C5: variants seen among roughly 807,000 people sequenced by gnomAD.
The protein encoded by C5 is C3 and PZP-like alpha-2-macroglobulin domain-containing protein 4.
C5 carries 140 observed loss-of-function variants against 218.8 expected under a neutral mutation model. The ratio of observed to expected loss-of-function variants is 0.64; its 90% confidence interval spans 0.56 to 0.74. C5 has a LOEUF of 0.74. Ranked by LOEUF, C5 falls within the 30% of genes least tolerant of loss-of-function variation. C5 has a pLI of 0.00. For synonymous variants in C5, 614 were observed against 682.3 expected (o/e 0.90, Z 1.56); for missense variants, 1,700 against 1,969.6 (o/e 0.86, Z 2.59).
intron 26 of C5, among the ~76,000 whole-genome samples, chr9:120,982,351 C>A (rs1214541278): frequency 6.6e-6 from 1 of 152,200 alleles, no homozygotes; most frequent in African/African-American, 2.4e-5. Context: ...TCTTTCCCTT[C>A]CTGCTTCCCA....
the C5 span, among the ~76,000 whole-genome samples, chr9:121,057,095 A>C: frequency 6.6e-6 from 1 of 152,216 alleles, no homozygotes; most frequent in Non-Finnish European, 1.5e-5. Flanking sequence ...GCTGAGGAAA[A>C]GAAACATCCA....
intron 16 of C5, 95 bp from the exon 17 acceptor site, chr9:121,014,165 A>G: frequency 5.7e-6 from 6 of 1,056,756 alleles, no homozygotes; most frequent in East Asian, 2.5e-5. Context: ...TTCTGTTGCT[A>G]TATGATCCCC....
chr9:121,019,816 A>G (rs949570448), intron 12 of C5, among the ~76,000 whole-genome samples, 160 bp downstream of exon 12: 1 of 152,204 alleles, frequency 6.6e-6, no homozygotes, highest in African/African-American at 2.4e-5. Context: ...ATCATGCCCT[A>G]TTTCAAAGGT....
chr9:120,982,563 TTTC>T (rs1169351349), intron 26 of C5, 89 bp downstream of exon 26: 220 of 1,052,544 alleles, frequency 2.1e-4, no homozygotes, highest in Middle Eastern at 4.4e-4. Flanking sequence ...ATTACATTTT[TTTC>T]TTCTTCTTCT....
intron 25 of C5, among the ~76,000 whole-genome samples, chr9:120,984,227 G>A (rs1458545965): frequency 2.0e-5 from 3 of 151,690 alleles, no homozygotes; most frequent in East Asian, 1.9e-4. Context: ...GATATTAATC[G>A]GAACTTGCCC....
intron 12 of C5, among the ~76,000 whole-genome samples, chr9:121,018,659 G>GAAAAGAAAGAAAGA (rs1224588845): frequency 1.8e-5 from 2 of 108,522 alleles, no homozygotes; most frequent in African/African-American, 6.9e-5. Context: ...AAGAAAGAAA[G>GAAAAGAAAGAAAGA]AAGGAAGGAA....
At chr9:121,063,109 T>C in the C5 span, among the ~76,000 whole-genome samples, 1 of 151,620 alleles carries the variant, frequency 6.6e-6, no homozygotes, top group Admixed American at 6.6e-5. Context: ...TCTTCATGCA[T>C]ATGTTGGTAT....
At chr9:121,039,093 C>A (rs1010438354) in intron 3 of C5, among the ~76,000 whole-genome samples, 7 of 152,298 alleles carry the variant, frequency 4.6e-5, no homozygotes, top group African/African-American at 1.4e-4. Context: ...TCCCTCTAAA[C>A]CTTAGTTAAC....
chr9:120,997,714 G>A lies in C5; in HGVS notation c.2623C>T (p.His875Tyr). The A allele has an allele frequency of 6.2e-7, 1 of 1,614,154 alleles. No homozygotes were observed. The change falls in exon 21 of 41, where the codon CAT becomes TAT. Residue 875 changes from histidine to tyrosine, a missense_variant. Coordinates refer to ENST00000223642, the MANE Select transcript of C5 (RefSeq NM_001735.3). ...ICTSESPVID[H>Y]QGTKSSKCVR... ...CATTTGGAGGACTTTGTGCCCTGAT[G>A]ATCAATGACTGGGCTTTCCGAAGTG...
At chr9:120,961,928 T>C (rs2046830674) in intron 36 of C5, among the ~76,000 whole-genome samples, 1 of 152,180 alleles carries the variant, frequency 6.6e-6, no homozygotes, top group Non-Finnish European at 1.5e-5. Flanking sequence ...TATCTCTATA[T>C]ATCTATCTCA....
chr9:121,025,653 T>C (rs1476296844), intron 8 of C5, 73 bp from the exon 9 acceptor site: 1 of 1,414,138 alleles, frequency 7.1e-7, no homozygotes, highest in East Asian at 2.3e-5. Flanking sequence ...AAATCTGCTT[T>C]TACTAACCTC....
intron 3 of C5, among the ~76,000 whole-genome samples, chr9:121,039,509 G>A (rs1041941797): frequency 6.6e-6 from 1 of 152,024 alleles, no homozygotes; most frequent in African/African-American, 2.4e-5. Context: ...ATGGTGGCAC[G>A]CGCCTGAATC....
chr9:120,989,694 C>T lies in C5; in HGVS notation c.3028G>A (p.Ala1010Thr). Reference sequence around the variant, plus strand: ...ACTGGGACAACGCTCATCAGCTCCGCCTCTGCACTCCCTTTGGGGAGGTGG... The same window carrying T: ...ACTGGGACAACGCTCATCAGCTCCGTCTCTGCACTCCCTTTGGGGAGGTGG... ...LTHLPKGSAE[A>T]ELMSVVPVFY... Residue 1010 changes from alanine (A) to threonine (T), a missense_variant, in exon 24 of 41, where the codon GCG becomes ACG. Coordinates refer to ENST00000223642, the MANE Select transcript of C5 (RefSeq NM_001735.3). 1 of 1,614,038 alleles carries T rather than the reference C, an allele frequency of 6.2e-7. No homozygotes were observed. The highest frequency in any genetic ancestry group is 8.5e-7 in the Non-Finnish European group (1 of 1,179,948).
At chr9:120,974,174 G>A (rs1477876876) in intron 30 of C5, among the ~76,000 whole-genome samples, 1 of 152,146 alleles carries the variant, frequency 6.6e-6, no homozygotes, top group Non-Finnish European at 1.5e-5. Context: ...TTTCCAACAT[G>A]TCTTGTTCTT....
chr9:121,027,606 T>C (rs1025523584), intron 7 of C5, among the ~76,000 whole-genome samples: 31 of 152,334 alleles, frequency 2.0e-4, no homozygotes, highest in South Asian at 4.1e-4. Context: ...GGATTCCCAA[T>C]TTAATAAATG....
rs1401610966 is a variant in C5 at position 121,046,203 on chromosome 9, A to C, written c.246T>G (p.Ser82=). ...HLSSENKFQN[S]AILTIQPKQL... is the part of the protein sequence containing the mutation. The stretch of plus-strand genomic sequence containing the variant: ...GATAAATACATACTGTTAAGATTGC[A>C]GAGTTTTGGAATTTATTCTCTGAGG... The change falls in exon 2 of 41, where the codon TCT becomes TCG. Residue 82 remains serine, a synonymous_variant. Coordinates refer to ENST00000223642, the MANE Select transcript of C5 (RefSeq NM_001735.3). 2 of 1,575,592 alleles carry C rather than the reference A, an allele frequency of 1.3e-6. No individual in the cohort carries two copies. Among genetic ancestry groups the C allele is most frequent in the East Asian group, 4.5e-5 (2 of 44,496 alleles).
chr9:120,972,074 G>T, intron 30 of C5, 82 bp from the exon 31 acceptor site: 1 of 1,106,298 alleles, frequency 9.0e-7, no homozygotes, highest in South Asian at 1.3e-5. Context: ...AAAGTGGGTT[G>T]ACATGTACCA....
At chr9:121,034,343 C>CT (rs1393127759) in intron 5 of C5, among the ~76,000 whole-genome samples, 5 of 152,166 alleles carry the variant, frequency 3.3e-5, no homozygotes, top group African/African-American at 1.2e-4. Flanking sequence ...CCTGTTTAAA[C>CT]TTTTTCTTAA....
At chr9:121,013,788 C>A in intron 17 of C5, 85 bp downstream of exon 17, 1 of 1,161,742 alleles carries the variant, frequency 8.6e-7, no homozygotes, top group South Asian at 1.3e-5. Flanking sequence ...CTAAATAGAT[C>A]ATGAAAACTG....
Sources: allele counts gnomAD v4.1 joint callset (sites outside exome capture counted in the v4.1 genomes callset), GRCh38; gene constraint gnomAD v4.1.1; transcripts MANE v1.5; gene names NCBI Gene and HGNC (gene_info 2026-07-23, HGNC 2026-07-21).